Variants in GRM7 observed in about 807,000 individuals in gnomAD.
The protein encoded by GRM7 is glutamate metabotropic receptor 7.
Under a neutral mutation model 84.5 loss-of-function variants are expected in GRM7, and 35 were observed. The ratio of observed to expected loss-of-function variants is 0.41; its 90% CI spans 0.32 to 0.55. The LOEUF (loss-of-function observed/expected upper bound fraction) is 0.55. GRM7 is among the 20% of genes least tolerant of loss of function. The pLI is 0.19. For missense variants in GRM7, 1,003 were observed against 1,194.6 expected, an observed-to-expected ratio of 0.84 and a Z score of 2.36; for synonymous variants, 487 against 455.1, an observed-to-expected ratio of 1.07 and a Z score of -0.89.
At chr3:7,186,144 A>C (rs770378764) in intron 2 of GRM7, among the ~76,000 whole-genome samples, 8 of 152,214 alleles carry the variant, frequency 5.3e-5, no homozygotes, top group Non-Finnish European at 4.4e-5. Context: ...CTGTGTAAAC[A>C]CTAGCTACTT....
At chr3:6,938,010 T>C (rs1697749487) in intron 1 of GRM7, among the ~76,000 whole-genome samples, 1 of 152,146 alleles carries the variant, frequency 6.6e-6, no homozygotes, top group South Asian at 2.1e-4. Context: ...AGTTAAGAAA[T>C]TGGCTATGAT....
At chr3:6,991,937 C>T (rs1694651257) in intron 1 of GRM7, among the ~76,000 whole-genome samples, 1 of 151,966 alleles carries the variant, frequency 6.6e-6, no homozygotes. Flanking sequence ...TATTCCCTAC[C>T]TCGCAGCTCC....
chr3:7,096,510 C>G (rs752767927), intron 1 of GRM7, among the ~76,000 whole-genome samples: 15 of 152,078 alleles, frequency 9.9e-5, no homozygotes, highest in South Asian at 2.1e-4. Context: ...CCTCTCCCCC[C>G]ACTGTGATGA....
At chr3:7,309,611 C>T (rs540544554) in intron 4 of GRM7, among the ~76,000 whole-genome samples, 19 of 152,144 alleles carry the variant, frequency 1.2e-4, no homozygotes, top group Middle Eastern at 3.4e-3. Context: ...TCTGGATTTT[C>T]GGCCGGCATT....
At chr3:6,983,477 A>AT (rs146706766) in intron 1 of GRM7, among the ~76,000 whole-genome samples, 65 of 151,982 alleles carry the variant, frequency 4.3e-4, no homozygotes, top group African/African-American at 1.5e-3. Context: ...AAGTTAATTG[A>AT]TTTTTTTTAA....
intron 5 of GRM7, among the ~76,000 whole-genome samples, chr3:7,444,456 T>C (rs185240699): frequency 2.6e-5 from 4 of 152,334 alleles, no homozygotes; most frequent in Admixed American, 2.6e-4. Flanking sequence ...CATATCTTTT[T>C]GTTTGTTTGT....
intron 1 of GRM7, among the ~76,000 whole-genome samples, chr3:7,143,217 A>G (rs1316916164): frequency 6.6e-6 from 1 of 152,182 alleles, no homozygotes; most frequent in African/African-American, 2.4e-5. Context: ...TAGCACGCAA[A>G]ATAATAACTA....
intron 2 of GRM7, among the ~76,000 whole-genome samples, chr3:7,248,596 T>C (rs1247937167): frequency 6.6e-6 from 1 of 152,166 alleles, no homozygotes; most frequent in African/African-American, 2.4e-5. Context: ...ATGCAAATTT[T>C]TATTTTATTT....
intron 8 of GRM7, among the ~76,000 whole-genome samples, chr3:7,661,024 A>G (rs1332488664): frequency 3.3e-5 from 5 of 152,256 alleles, no homozygotes; most frequent in Non-Finnish European, 5.9e-5. Flanking sequence ...AGAATAGAAG[A>G]AAATCTTCGT....
chr3:7,330,240 T>A, intron 4 of GRM7, among the ~76,000 whole-genome samples: 1 of 152,170 alleles, frequency 6.6e-6, no homozygotes, highest in East Asian at 1.9e-4. Flanking sequence ...ACAGACATGT[T>A]CAAGATATAC....
rs1308970596 is a variant in GRM7 at position 7,298,754 on chromosome 3, A to C, written c.807A>C (p.Arg269Ser). ...AAGACAGGACCATTGACTTTGATAGAATTATCAAACAGCTCCTGGACACCC... is the reference window on the plus strand; with the variant it reads ...AAGACAGGACCATTGACTTTGATAGCATTATCAAACAGCTCCTGGACACCC... ...ERKDRTIDFD[R>S]IIKQLLDTPN... is the part of the protein sequence containing the mutation. Residue 269 changes from arginine (R) to serine (S), a missense_variant, in exon 3 of 10, where the codon AGA (arginine) becomes AGC (serine). This residue lies in a region of GRM7 where 910 missense variants were observed against 1,126.0 expected (regional missense o/e 0.81). Coordinates refer to ENST00000357716, the MANE Select transcript of GRM7 (RefSeq NM_000844.4). 6.8e-6 allele frequency: 11 copies of C among 1,612,536 alleles called. No individual in the cohort carries two copies. Among genetic ancestry groups the C allele is most frequent in the Non-Finnish European group, 8.5e-6 (10 of 1,178,652 alleles).
intron 1 of GRM7, among the ~76,000 whole-genome samples, chr3:6,917,210 C>G (rs1696971264): frequency 6.6e-6 from 1 of 151,920 alleles, no homozygotes; most frequent in Non-Finnish European, 1.5e-5. Flanking sequence ...CATTTAGCGT[C>G]TATATAAATA....
chr3:7,084,175 AG>A (rs1698366507), intron 1 of GRM7, among the ~76,000 whole-genome samples: 1 of 152,144 alleles, frequency 6.6e-6, no homozygotes, highest in Non-Finnish European at 1.5e-5. Context: ...CAAGGGAGCG[AG>A]GGCTGAAAAG....
chr3:6,946,297 C>A (rs183292388), intron 1 of GRM7, among the ~76,000 whole-genome samples: 3,028 of 152,248 alleles, frequency 0.02, 109 homozygotes, highest in African/African-American at 0.069. Flanking sequence ...GTTTTCCCAG[C>A]ACCATTTATT....
chr3:6,970,279 T>C (rs561437734), intron 1 of GRM7, among the ~76,000 whole-genome samples: 1 of 152,296 alleles, frequency 6.6e-6, no homozygotes, highest in African/African-American at 2.4e-5. Flanking sequence ...TAGAAGCTGC[T>C]AAACTATCAA....
Position 7,485,947 on chromosome 3 carries a change from G to GT in GRM7, c.1515+24226dup, listed in dbSNP as rs1699303410. 2.6e-5 allele frequency among the ~76,000 whole-genome samples: 4 copies of GT among 152,276 alleles called. No homozygotes were observed. The South Asian group carries it at 8.3e-4, about 32-fold the overall frequency. ...AATTAAAAAGTAGCTGACAGAAGCT[G>GT]TAACTTAAGGTGCCTTTAACATATT... On this transcript the variant is annotated intron_variant, in intron 7 of 9. Transcript: ENST00000357716.
At chr3:7,435,724 C>G (rs367939325) in intron 5 of GRM7, among the ~76,000 whole-genome samples, 3 of 138,076 alleles carry the variant, frequency 2.2e-5, no homozygotes, top group African/African-American at 8.0e-5. Context: ...GTCTCGCTCT[C>G]TCCCCCAGGC....
At chr3:7,210,574 T>C (rs952190063) in intron 2 of GRM7, among the ~76,000 whole-genome samples, 2 of 151,510 alleles carry the variant, frequency 1.3e-5, no homozygotes, top group Non-Finnish European at 2.9e-5. Flanking sequence ...TTAATGGAAA[T>C]TTTTTTTTGT....
chr3:7,058,707 A>G (rs1247074142), intron 1 of GRM7, among the ~76,000 whole-genome samples: 2 of 151,896 alleles, frequency 1.3e-5, no homozygotes, highest in African/African-American at 2.4e-5. Flanking sequence ...TTGCAAGAGT[A>G]TACCGAACAA....
Sources: gnomAD v4.1 joint callset for allele counts (sites outside exome capture counted in the v4.1 genomes callset) on GRCh38, gnomAD v4.1.1 for gene constraint, gnomAD v4.1.1 regional missense constraint, MANE v1.5 for transcripts, NCBI Gene and HGNC (gene_info 2026-07-23, HGNC 2026-07-21) for gene names.